C1orf105: variants seen among roughly 807,000 people sequenced by gnomAD.
C1orf105 encodes uncharacterized protein C1orf105.
Under a neutral mutation model 20.8 loss-of-function variants are expected in C1orf105, and 17 were observed. The observed-to-expected ratio is 0.82, with a 90% CI of 0.56 to 1.23. The LOEUF is 1.23. C1orf105 is among the 50% of genes most tolerant of loss of function. The pLI is 0.00. For synonymous variants in C1orf105, 72 were observed against 72.1 expected (o/e 1.00, Z 0.01); for missense variants, 219 against 213.5 (o/e 1.03, Z -0.16).
At chr1:172,451,895 G>A (rs1195772049) in intron 3 of C1orf105, among the ~76,000 whole-genome samples, 20 of 102,570 alleles carry the variant, frequency 1.9e-4, no homozygotes, top group African/African-American at 5.3e-4. Flanking sequence ...TTTTTGAGAC[G>A]GAATCTCACT....
chr1:172,439,243 T>C (rs1373004266), intron 1 of C1orf105, among the ~76,000 whole-genome samples: 2 of 152,204 alleles, frequency 1.3e-5, no homozygotes, highest in Admixed American at 1.3e-4. Context: ...ATCTATCTAG[T>C]TTTATCACAT....
intron 1 of C1orf105, among the ~76,000 whole-genome samples, chr1:172,423,474 T>G (rs1337888008): frequency 6.6e-6 from 1 of 152,054 alleles, no homozygotes; most frequent in Non-Finnish European, 1.5e-5. Context: ...GCCAAAAACT[T>G]AGATCATAAC....
At position 172,456,498 on chromosome 1, in the gene C1orf105, G is replaced by A. The variant is rs1649265129; in HGVS notation, c.273+9G>A. On this transcript the variant is annotated intron_variant, in intron 4 of 6. Transcript: ENST00000367727. Reference sequence around the variant, plus strand: ...GTCAAGAAATGAAAATGGTAGGCAAGGGGGAAGACAGAAATGGGCACAGGC... The same window carrying A: ...GTCAAGAAATGAAAATGGTAGGCAAAGGGGAAGACAGAAATGGGCACAGGC... The A allele has an allele frequency of 6.2e-7, 1 of 1,612,166 alleles. No individual in the cohort carries two copies.
chr1:172,445,176 G>A lies in C1orf105; in HGVS notation c.107+18G>A, dbSNP rs767708560. 10 of 1,586,872 alleles carry A rather than the reference G, an allele frequency of 6.3e-6. No homozygotes were observed. The highest frequency in any genetic ancestry group is 1.7e-4 in the Middle Eastern group (1 of 5,988). On this transcript the variant is annotated intron_variant, in intron 2 of 6. Transcript: ENST00000367727. ...CCCAGAAGGTAACCTCTCAGCCACC[G>A]AGGGCAAAAGTTTTACGAAACATCT...
chr1:172,455,518 G>A (rs1649143284), intron 3 of C1orf105, among the ~76,000 whole-genome samples: 1 of 152,220 alleles, frequency 6.6e-6, no homozygotes, highest in Non-Finnish European at 1.5e-5. Flanking sequence ...ATGTGAATGA[G>A]GAAGGTTAAG....
At chr1:172,458,010 A>G (rs1649422369) in intron 4 of C1orf105, among the ~76,000 whole-genome samples, 1 of 152,224 alleles carries the variant, frequency 6.6e-6, no homozygotes, top group Non-Finnish European at 1.5e-5. Context: ...CTTCTTTCTC[A>G]GCAGTGAGTT....
chr1:172,444,332 G>A, intron 1 of C1orf105: 5 of 981,126 alleles, frequency 5.1e-6, no homozygotes, highest in South Asian at 9.4e-5. Context: ...GTAGGTGAGA[G>A]ATAATGGCCG....
At position 172,452,698 on chromosome 1, in the gene C1orf105, G is replaced by A. The variant is rs149557340; in HGVS notation, c.199-3717G>A. ...ATGAGGATGTTTCCAATTGTCAAAT[G>A]TGTTTTTGGCTTCTGGGGACTGGCT... On this transcript the variant is annotated intron_variant, in intron 3 of 6. Transcript: ENST00000367727. The A allele has an allele frequency of 6.3e-6, 5 of 795,522 alleles. No homozygotes were observed. The African/African-American group carries it at 7.5e-5, about 12-fold the overall frequency. The allele number at this position is 795,522 out of a possible 1,614,324, so 49.3% of individuals were successfully genotyped here. A position where few individuals can be genotyped will look rare whatever the true frequency, so the allele number is the denominator to read the frequency against.
At chr1:172,456,116 T>A (rs1451486742) in intron 3 of C1orf105, among the ~76,000 whole-genome samples, 1 of 151,974 alleles carries the variant, frequency 6.6e-6, no homozygotes, top group African/African-American at 2.4e-5. Flanking sequence ...CCCACTGAAT[T>A]TCAGGCCCCA....
At chr1:172,445,304 G>T (rs74126218) in intron 2 of C1orf105, 146 bp downstream of exon 2, 1 of 703,428 alleles carries the variant, frequency 1.4e-6, no homozygotes, top group Non-Finnish European at 2.3e-6. Flanking sequence ...GAAATAATCC[G>T]GGTTTCTCAG....
intron 1 of C1orf105, chr1:172,444,018 G>C (rs1341954860): frequency 1.3e-5 from 13 of 1,000,182 alleles, no homozygotes; most frequent in Non-Finnish European, 1.6e-5. Flanking sequence ...GCAGCTGGGG[G>C]ACGGCGGCAC....
At chr1:172,424,285 G>A (rs2071667312) in intron 1 of C1orf105, among the ~76,000 whole-genome samples, 1 of 152,256 alleles carries the variant, frequency 6.6e-6, no homozygotes, top group South Asian at 2.1e-4. Flanking sequence ...AGTCACTAAT[G>A]TGGGTTCTGC....
At chr1:172,430,215 G>A in intron 1 of C1orf105, 1 of 649,820 alleles carries the variant, frequency 1.5e-6, no homozygotes, top group East Asian at 2.7e-5. Flanking sequence ...ATAAGAGACT[G>A]ACTAGATCAC....
At chr1:172,429,554 T>C (rs2071812710) in intron 1 of C1orf105, among the ~76,000 whole-genome samples, 1 of 152,260 alleles carries the variant, frequency 6.6e-6, no homozygotes, top group African/African-American at 2.4e-5. Flanking sequence ...TGTATAACTA[T>C]GTAACTGATG....
At chr1:172,451,827 GATTCTATGTGGTAGAAATA>G (rs1031023609) in intron 3 of C1orf105, among the ~76,000 whole-genome samples, 3 of 145,982 alleles carry the variant, frequency 2.1e-5, no homozygotes, top group Admixed American at 6.8e-5. Flanking sequence ...CTACTTTTGG[GATTCTATGTGGTAGAAATA>G]ATTCTGCCTT....
In C1orf105 at chr1:172,468,477, G is replaced by A. The variant is rs1406941755; in HGVS notation, c.435G>A (p.Leu145=). 5 of 1,613,542 alleles carry A rather than the reference G, an allele frequency of 3.1e-6. No homozygotes were observed. Among genetic ancestry groups the A allele is most frequent in the Middle Eastern group, 1.7e-4 (1 of 6,058 alleles). The change falls in exon 7 of 7, where the codon CTG becomes CTA. Residue 145 remains leucine, a synonymous_variant. Transcript: ENST00000367727. ...GCATTCACTACAGACTGCCCATTCT[G>A]GGCCCCAGGACAGCTGTCTTCCACG... The part of the protein sequence containing the change: ...TESIHYRLPI[L]GPRTAVFHGL...
chr1:172,456,712 G>A (rs1477874767), intron 4 of C1orf105, among the ~76,000 whole-genome samples: 2 of 152,168 alleles, frequency 1.3e-5, no homozygotes, highest in Non-Finnish European at 2.9e-5. Context: ...GGATAGATGG[G>A]CCAGAGTAGA....
In C1orf105 at chr1:172,468,730, G is replaced by A; in HGVS notation, c.*136G>A. ...GATTTAATTTTGCCTTCCTAAGATT[G>A]CTGGTATTCTAGCTCTTACCTCTAT... On this transcript the variant is annotated 3_prime_UTR_variant, in exon 7 of 7. Coordinates refer to ENST00000367727, the MANE Select transcript of C1orf105 (RefSeq NM_139240.4). 1.1e-6 allele frequency: 1 copy of A among 933,202 alleles called. No individual in the cohort carries two copies. The highest frequency in any genetic ancestry group is 1.6e-6 in the Non-Finnish European group (1 of 624,692). 57.8% of individuals were successfully genotyped at this position (933,202 alleles called of 1,614,324 possible).
chr1:172,452,937 T>A (rs1438043552), intron 3 of C1orf105: 2 of 1,531,758 alleles, frequency 1.3e-6, no homozygotes, highest in Non-Finnish European at 1.8e-6. Context: ...GAGCTGGTCG[T>A]AAGGAAACCG....
Sources: gnomAD v4.1 joint callset for allele counts (sites outside exome capture counted in the v4.1 genomes callset) on GRCh38, gnomAD v4.1.1 for gene constraint, MANE v1.5 for transcripts, NCBI Gene and HGNC (gene_info 2026-07-23, HGNC 2026-07-21) for gene names.